Variants in CFAP44 observed in about 807,000 individuals in gnomAD.
CFAP44 encodes cilia- and flagella-associated protein 44.
CFAP44 carries 134 observed loss-of-function variants against 216.2 expected under a neutral mutation model. That is an observed-to-expected ratio of 0.62 (90% confidence interval 0.54 to 0.72). The LOEUF (loss-of-function observed/expected upper bound fraction) is 0.72, where lower values mean the gene tolerates loss of function less well. CFAP44 is among the 30% of genes least tolerant of loss of function. The pLI, the probability that CFAP44 is intolerant of heterozygous loss-of-function variation, is 0.00. For synonymous variants in CFAP44, 700 were observed against 727.6 expected, an observed-to-expected ratio of 0.96 and a Z score of 0.61; for missense variants, 2,035 against 2,182.1, an observed-to-expected ratio of 0.93 and a Z score of 1.34.
At chr3:113,305,908 C>G (rs568455767) in intron 30 of CFAP44, among the ~76,000 whole-genome samples, 1 of 152,144 alleles carries the variant, frequency 6.6e-6, no homozygotes, top group Admixed American at 6.5e-5. Context: ...TTCATAAATA[C>G]AATTTATAAA....
chr3:113,356,647 AACAAATG>A (rs1218273736), intron 22 of CFAP44, among the ~76,000 whole-genome samples: 1 of 152,234 alleles, frequency 6.6e-6, no homozygotes, highest in Non-Finnish European at 1.5e-5. Flanking sequence ...TCAATATAAA[AACAAATG>A]ACATGATCTC....
rs1290573664 is a variant in CFAP44 at position 113,331,911 on chromosome 3, AG to A, written c.3616-1244del. Among the ~76,000 whole-genome samples the A allele has an allele frequency of 3.3e-5, 5 of 152,304 alleles. No individual in the cohort carries two copies. In the East Asian group the frequency reaches 9.6e-4, roughly 29 times the overall value. ...TTAAATTAACCCTATGAGGTATACC[AG>A]ACATGTCTTATTGTTAATTGGTATT... is the stretch of plus-strand genomic sequence containing the variant. On this transcript the variant is annotated intron_variant, in intron 25 of 34. Transcript: ENST00000393845.
chr3:113,334,860 A>T (rs999512807), intron 24 of CFAP44, among the ~76,000 whole-genome samples: 1 of 152,232 alleles, frequency 6.6e-6, no homozygotes, highest in Non-Finnish European at 1.5e-5. Flanking sequence ...AAGGCCCTTC[A>T]TTGGGAGATC....
At chr3:113,420,459 C>T (rs1934784602) in intron 4 of CFAP44, among the ~76,000 whole-genome samples, 2 of 152,064 alleles carry the variant, frequency 1.3e-5, no homozygotes, top group South Asian at 2.1e-4. Context: ...TTTTAATTTT[C>T]CTGGGGAAAT....
intron 15 of CFAP44, among the ~76,000 whole-genome samples, chr3:113,383,753 T>G (rs528549593): frequency 5.2e-4 from 79 of 152,310 alleles, no homozygotes; most frequent in African/African-American, 1.7e-3. Context: ...ATAGCTGACC[T>G]TTTTTAAAAA....
Position 113,330,364 on chromosome 3 carries a change from A to T in CFAP44, c.3920T>A (p.Leu1307His), listed in dbSNP as rs769283030. The T allele has an allele frequency of 1.0e-5, 16 of 1,537,322 alleles. No individual in the cohort carries two copies. Among genetic ancestry groups the T allele is most frequent in the African/African-American group, 1.4e-5 (1 of 73,160 alleles). Residue 1307 changes from leucine to histidine, a missense_variant, in exon 26 of 35, where the codon CTC becomes CAC. By Grantham distance (99) the Leu-to-His change is moderately conservative. This residue lies in a region of CFAP44 where 1,883 missense variants were observed against 2,023.7 expected (regional missense o/e 0.93). Coordinates refer to ENST00000393845, the MANE Select transcript of CFAP44 (RefSeq NM_001164496.2). ...TGSGGPVGGFLKLSSRKDGDL... is the reference protein window; with the variant it reads ...TGSGGPVGGFHKLSSRKDGDL... ...CCCATCCTTTCTAGAAGAGAGTTTG[A>T]GGAATCCTCCAACTGGGCCTCCAGA...
At chr3:113,383,693 T>C (rs567760736) in intron 15 of CFAP44, among the ~76,000 whole-genome samples, 1 of 152,212 alleles carries the variant, frequency 6.6e-6, no homozygotes, top group African/African-American at 2.4e-5. Context: ...CAGTGGCAAA[T>C]AAATTGTCTC....
Position 113,358,772 on chromosome 3 carries a change from T to C in CFAP44, c.3038A>G (p.Glu1013Gly). 1 of 1,536,756 alleles carries C rather than the reference T, an allele frequency of 6.5e-7. No individual in the cohort carries two copies. Among genetic ancestry groups the C allele is most frequent in the Non-Finnish European group, 8.7e-7 (1 of 1,146,536 alleles). The part of the protein sequence containing the change: ...KELAWEKEKH[E>G]LGLMKLKNRF... ...ATTCTTTAGCTTCATTAGGCCGAGT[T>C]CATGTTTCTCTTTTTCCCAAGCTAA... Residue 1013 changes from glutamate (E) to glycine (G), a missense_variant, in exon 22 of 35, where the codon GAA (glutamate) becomes GGA (glycine). By Grantham distance (98) the Glu-to-Gly change is moderately conservative (BLOSUM62 -2). Around this residue, in one of 3 missense-constraint regions of CFAP44, gnomAD observed 1,883 missense variants for 2,023.7 expected, o/e 0.93. Transcript: ENST00000393845.
chr3:113,344,039 A>T (rs16860861), intron 23 of CFAP44, among the ~76,000 whole-genome samples: 13,891 of 152,240 alleles, frequency 0.091, 834 homozygotes, highest in African/African-American at 0.16. Flanking sequence ...TCATACCTCT[A>T]TTCTCTGATC....
chr3:113,327,896 T>C, intron 26 of CFAP44, 77 bp from the exon 27 acceptor site: 1 of 1,310,490 alleles, frequency 7.6e-7, no homozygotes, highest in Non-Finnish European at 1.0e-6. Context: ...CAGTACTAAT[T>C]TGTATGAAGT....
chr3:113,303,560 A>G (rs1243057453), intron 32 of CFAP44, among the ~76,000 whole-genome samples: 1 of 152,188 alleles, frequency 6.6e-6, no homozygotes, highest in African/African-American at 2.4e-5. Flanking sequence ...GTGAACCCCG[A>G]GGAAGGAGCC....
intron 23 of CFAP44, among the ~76,000 whole-genome samples, chr3:113,342,598 A>G (rs1051816061): frequency 6.6e-6 from 1 of 152,154 alleles, no homozygotes; most frequent in Non-Finnish European, 1.5e-5. Flanking sequence ...AGTAAGTCCA[A>G]TTCGATACAT....
At chr3:113,326,334 A>G (rs1950189306) in intron 28 of CFAP44, 111 bp downstream of exon 28, 1 of 1,000,738 alleles carries the variant, frequency 1.0e-6, no homozygotes, top group Non-Finnish European at 1.4e-6. Context: ...GTGTCTCTAC[A>G]TTGTCCATGT....
At position 113,293,322 on chromosome 3, in the gene CFAP44, T is replaced by C. The variant is rs550820469; in HGVS notation, c.5373+1365A>G. 8.5e-5 allele frequency among the ~76,000 whole-genome samples: 13 copies of C among 152,326 alleles called. 1 individual carries two copies. Among genetic ancestry groups the C allele is most frequent in the African/African-American group, 2.4e-4 (10 of 41,576 alleles). ...CTGCCTACATCATTGTAAGAAGCAATGGAGTCAGCGTTGGAGGCAGACAGA... is the reference window on the plus strand; with the variant it reads ...CTGCCTACATCATTGTAAGAAGCAACGGAGTCAGCGTTGGAGGCAGACAGA... On this transcript the variant is annotated intron_variant, in intron 34 of 34. Coordinates refer to ENST00000393845, the MANE Select transcript of CFAP44 (RefSeq NM_001164496.2).
intron 6 of CFAP44, among the ~76,000 whole-genome samples, chr3:113,411,897 T>A (rs1258299007): frequency 1.3e-5 from 2 of 150,934 alleles, no homozygotes; most frequent in African/African-American, 2.4e-5. Flanking sequence ...TTATTCTCTT[T>A]GAAGCAATTG....
At chr3:113,386,718 A>C (rs780793496) in intron 15 of CFAP44, among the ~76,000 whole-genome samples, 37 of 152,182 alleles carry the variant, frequency 2.4e-4, no homozygotes, top group Non-Finnish European at 2.9e-4. Context: ...CACACACACA[A>C]AAACACCTTG....
chr3:113,379,209 T>C, intron 17 of CFAP44, 97 bp downstream of exon 17: 1 of 950,334 alleles, frequency 1.1e-6, no homozygotes, highest in Non-Finnish European at 1.4e-6. Flanking sequence ...AATAGATAAA[T>C]GAAATCTTAA....
chr3:113,366,415 TG>T, intron 18 of CFAP44, 106 bp from the exon 19 acceptor site: 2 of 1,340,262 alleles, frequency 1.5e-6, no homozygotes, highest in South Asian at 1.5e-5. Flanking sequence ...TGTTATGGAC[TG>T]AATTGTACAC....
chr3:113,323,755 T>C (rs1950165260), intron 28 of CFAP44, among the ~76,000 whole-genome samples: 1 of 151,972 alleles, frequency 6.6e-6, no homozygotes, highest in Non-Finnish European at 1.5e-5. Context: ...ATGAAATAGA[T>C]CATTTGGGCT....
Sources: gnomAD v4.1 joint callset for allele counts (sites outside exome capture counted in the v4.1 genomes callset) on GRCh38, gnomAD v4.1.1 for gene constraint, gnomAD v4.1.1 regional missense constraint, MANE v1.5 for transcripts, NCBI Gene and HGNC (gene_info 2026-07-23, HGNC 2026-07-21) for gene names.